The following NT5DC1 variants were observed in gnomAD, a reference collection of about 807,000 sequenced individuals.
NT5DC1 encodes 5'-nucleotidase domain-containing protein 1.
A neutral mutation model predicts 59.4 loss-of-function variants in NT5DC1; 42 were observed. The ratio of observed to expected loss-of-function variants is 0.71; its 90% CI spans 0.55 to 0.92. NT5DC1 has a LOEUF of 0.92. Ranked by LOEUF, NT5DC1 falls within the 40% of genes least tolerant of loss-of-function variation. The probability of loss-of-function intolerance (pLI) is 0.00; values close to 1 mark genes in which losing one functional copy is unlikely to be tolerated. For missense variants in NT5DC1, 501 were observed against 537.1 expected, an observed-to-expected ratio of 0.93 and a Z score of 0.66; for synonymous variants, 172 against 188.1, an observed-to-expected ratio of 0.91 and a Z score of 0.70.
intron 1 of NT5DC1, among the ~76,000 whole-genome samples, chr6:116,102,333 C>T (rs1778676763): frequency 6.6e-6 from 1 of 152,140 alleles, no homozygotes; most frequent in Non-Finnish European, 1.5e-5. Context: ...TTTAAATGTC[C>T]TTTTTCTGCT....
intron 8 of NT5DC1, among the ~76,000 whole-genome samples, chr6:116,226,305 T>A (rs1429803927): frequency 6.6e-6 from 1 of 152,136 alleles, no homozygotes; most frequent in African/African-American, 2.4e-5. Flanking sequence ...AGAAAATCTA[T>A]ACCCCTTTTA....
intron 6 of NT5DC1, chr6:116,119,510 G>GAT (rs1779040461): frequency 6.5e-6 from 1 of 153,248 alleles, no homozygotes; most frequent in African/African-American, 2.4e-5. Flanking sequence ...TATTTGAATA[G>GAT]ATATTGATGA....
chr6:116,113,621 G>A (rs1357809213), intron 4 of NT5DC1, among the ~76,000 whole-genome samples: 1 of 152,194 alleles, frequency 6.6e-6, no homozygotes. Context: ...TCCACACAGC[G>A]GACATTCAGC....
chr6:116,121,338 G>T, intron 6 of NT5DC1: 1 of 1,614,026 alleles, frequency 6.2e-7, no homozygotes, highest in Non-Finnish European at 8.5e-7. Flanking sequence ...ATGCCTTCTG[G>T]CCCTCGTTCC....
At chr6:116,119,949 A>C (rs1779058079) in intron 6 of NT5DC1, 1 of 956,564 alleles carries the variant, frequency 1.0e-6, no homozygotes, top group Non-Finnish European at 1.6e-6. Flanking sequence ...TGATAGCTCA[A>C]ATCTGTATTT....
intron 6 of NT5DC1, among the ~76,000 whole-genome samples, chr6:116,160,065 T>A (rs967850634): frequency 3.3e-5 from 5 of 152,202 alleles, no homozygotes; most frequent in Non-Finnish European, 7.4e-5. Context: ...TGAATAGTGC[T>A]CAATAAACAT....
chr6:116,145,545 A>G (rs760372153), intron 6 of NT5DC1: 10 of 273,760 alleles, frequency 3.7e-5, no homozygotes, highest in Admixed American at 3.2e-4. Flanking sequence ...CTGTCCTGCT[A>G]TTGTCATCTT....
chr6:116,121,203 C>G (rs777254139), intron 6 of NT5DC1: 1 of 1,613,722 alleles, frequency 6.2e-7, no homozygotes, highest in South Asian at 1.1e-5. Context: ...CCCTTCAGGC[C>G]TGGCAAGCCT....
At chr6:116,178,678 A>G (rs1463930293) in intron 6 of NT5DC1, among the ~76,000 whole-genome samples, 1 of 152,240 alleles carries the variant, frequency 6.6e-6, no homozygotes, top group Admixed American at 6.5e-5. Flanking sequence ...TGAATAGTCC[A>G]AAATGTTATT....
At chr6:116,142,906 C>G (rs879711896) in intron 6 of NT5DC1, among the ~76,000 whole-genome samples, 6 of 152,136 alleles carry the variant, frequency 3.9e-5, no homozygotes, top group Admixed American at 1.3e-4. Flanking sequence ...ACATGGAAAT[C>G]AAACAAATTC....
intron 6 of NT5DC1, among the ~76,000 whole-genome samples, chr6:116,138,587 A>G (rs550419624): frequency 2.6e-5 from 4 of 152,050 alleles, no homozygotes; most frequent in African/African-American, 7.3e-5. Flanking sequence ...ATTTGTTTTT[A>G]TTTCGAAGAA....
chr6:116,180,219 TTG>T (rs1023251869), intron 6 of NT5DC1, among the ~76,000 whole-genome samples: 1 of 152,056 alleles, frequency 6.6e-6, no homozygotes, highest in Non-Finnish European at 1.5e-5. Context: ...TAAAAGTGTG[TTG>T]TGTCTCATTT....
At chr6:116,203,155 TCTATA>T (rs1479818206) in intron 6 of NT5DC1, among the ~76,000 whole-genome samples, 8 of 152,034 alleles carry the variant, frequency 5.3e-5, no homozygotes, top group Non-Finnish European at 8.8e-5. Context: ...TGGTTGCTTT[TCTATA>T]CTAAACAGTT....
chr6:116,197,799 G>A (rs180900066), intron 6 of NT5DC1, among the ~76,000 whole-genome samples: 5 of 152,160 alleles, frequency 3.3e-5, no homozygotes, highest in Non-Finnish European at 7.4e-5. Context: ...GATTGAAAGC[G>A]CTAGGTAAAC....
At chr6:116,176,328 C>A (rs532786584) in intron 6 of NT5DC1, among the ~76,000 whole-genome samples, 1 of 152,300 alleles carries the variant, frequency 6.6e-6, no homozygotes, top group East Asian at 1.9e-4. Flanking sequence ...TAGCAGAAGA[C>A]TGCTGTTGCT....
At chr6:116,217,458 C>A (rs1037523854) in intron 6 of NT5DC1, among the ~76,000 whole-genome samples, 3 of 151,934 alleles carry the variant, frequency 2.0e-5, no homozygotes, top group Admixed American at 2.0e-4. Context: ...AAATAGAATT[C>A]CTTTGGAGGT....
chr6:116,131,542 T>G (rs546594321), intron 6 of NT5DC1, among the ~76,000 whole-genome samples: 1 of 152,330 alleles, frequency 6.6e-6, no homozygotes, highest in East Asian at 1.9e-4. Flanking sequence ...TTGCAGAACA[T>G]TGTGTAAAGA....
At chr6:116,158,091 CT>C (rs1276874171) in intron 6 of NT5DC1, among the ~76,000 whole-genome samples, 6 of 152,126 alleles carry the variant, frequency 3.9e-5, no homozygotes, top group Admixed American at 3.9e-4. Context: ...TTTCTCTGAA[CT>C]ACAAGAACTT....
chr6:116,176,402 G>C (rs1301367411), intron 6 of NT5DC1, among the ~76,000 whole-genome samples: 1 of 152,184 alleles, frequency 6.6e-6, no homozygotes, highest in Non-Finnish European at 1.5e-5. Context: ...TTCTGGCTCA[G>C]TCTCAGCCTT....
Sources: allele counts gnomAD v4.1 joint callset (sites outside exome capture counted in the v4.1 genomes callset), GRCh38; gene constraint gnomAD v4.1.1; transcripts MANE v1.5; gene names NCBI Gene and HGNC (gene_info 2026-07-23, HGNC 2026-07-21).